The following TNR variants were observed in gnomAD, a reference collection of about 807,000 sequenced individuals.
TNR encodes tenascin R.
A neutral mutation model predicts 150.4 loss-of-function variants in TNR; 45 were observed. The ratio of observed to expected loss-of-function variants is 0.30; its 90% confidence interval spans 0.24 to 0.38. The LOEUF is 0.38. Ranked by LOEUF, TNR falls within the 10% of genes least tolerant of loss-of-function variation. The pLI, the probability that TNR is intolerant of heterozygous loss-of-function variation, is 1.00. For synonymous variants in TNR, 687 were observed against 678.4 expected (o/e 1.01, Z -0.20); for missense variants, 1,544 against 1,759.1 (o/e 0.88, Z 2.19).
chr1:175,360,446 G>T (rs907743512), intron 14 of TNR, among the ~76,000 whole-genome samples: 1 of 152,226 alleles, frequency 6.6e-6, no homozygotes, highest in African/African-American at 2.4e-5. Flanking sequence ...TAGAGGAAAA[G>T]ATTGTGCTTG....
At chr1:175,546,746 T>C (rs542034639) in intron 1 of TNR, among the ~76,000 whole-genome samples, 2 of 152,254 alleles carry the variant, frequency 1.3e-5, no homozygotes, top group East Asian at 3.9e-4. Flanking sequence ...TGGAGAGGAT[T>C]CCTCTGGCCT....
intron 1 of TNR, among the ~76,000 whole-genome samples, chr1:175,596,373 C>T (rs1663008431): frequency 6.6e-6 from 1 of 152,158 alleles, no homozygotes; most frequent in Non-Finnish European, 1.5e-5. Context: ...GGTGACCATG[C>T]TCAGCTGTCA....
At chr1:175,697,802 C>T (rs1666576641) in intron 1 of TNR, among the ~76,000 whole-genome samples, 1 of 152,200 alleles carries the variant, frequency 6.6e-6, no homozygotes, top group Non-Finnish European at 1.5e-5. Flanking sequence ...ACATGTCAGG[C>T]CTCATGCAAG....
intron 2 of TNR, among the ~76,000 whole-genome samples, chr1:175,443,472 C>A (rs554107972): frequency 5.3e-5 from 8 of 152,278 alleles, no homozygotes; most frequent in African/African-American, 1.7e-4. Flanking sequence ...CAATGCTTAG[C>A]AAGTGTTTAC....
At chr1:175,379,397 G>A (rs1652562412) in intron 9 of TNR, among the ~76,000 whole-genome samples, 155 bp downstream of exon 9, 1 of 152,194 alleles carries the variant, frequency 6.6e-6, no homozygotes, top group South Asian at 2.1e-4. Context: ...GGTGATGGCA[G>A]TACAATGGAT....
At chr1:175,440,939 A>G (rs1222081500) in intron 2 of TNR, among the ~76,000 whole-genome samples, 1 of 152,212 alleles carries the variant, frequency 6.6e-6, no homozygotes, top group Non-Finnish European at 1.5e-5. Context: ...GGTTTTAGAT[A>G]AAAGCCTAGC....
chr1:175,524,181 C>T (rs1027331881), intron 2 of TNR, among the ~76,000 whole-genome samples: 3 of 152,110 alleles, frequency 2.0e-5, no homozygotes, highest in African/African-American at 7.2e-5. Flanking sequence ...GCATGCCTTG[C>T]CTTCCTTGTA....
In TNR at chr1:175,504,386, A is replaced by AAGCAGAGGAGGCAGGTAGC. The variant is rs1658865736; in HGVS notation, c.-64+23864_-64+23882dup. On this transcript the variant is annotated intron_variant, in intron 2 of 22. Transcript: ENST00000367674. ...AAGAGGTTGGATAACTGCTCCACCC[A>AAGCAGAGGAGGCAGGTAGC]AGCAGAGGAGGCAGGTAGCAGTGAA... Among the ~76,000 whole-genome samples, 3 of 152,194 alleles carry AAGCAGAGGAGGCAGGTAGC rather than the reference A, an allele frequency of 2.0e-5. 1 individual carries two copies. The South Asian group carries it at 6.2e-4, about 32-fold the overall frequency.
chr1:175,675,630 T>A (rs1665838832), intron 1 of TNR, among the ~76,000 whole-genome samples: 1 of 152,186 alleles, frequency 6.6e-6, no homozygotes, highest in African/African-American at 2.4e-5. Flanking sequence ...TATCTGCACA[T>A]CCTTCATAGG....
At chr1:175,552,462 C>T (rs1660983086) in intron 1 of TNR, among the ~76,000 whole-genome samples, 2 of 152,146 alleles carry the variant, frequency 1.3e-5, no homozygotes, top group South Asian at 2.1e-4. Flanking sequence ...TATGTTATCT[C>T]GTTTGATCTT....
chr1:175,522,382 A>G (rs1199550575), intron 2 of TNR, among the ~76,000 whole-genome samples: 1 of 152,170 alleles, frequency 6.6e-6, no homozygotes, highest in African/African-American at 2.4e-5. Context: ...GAATGACACA[A>G]TGGACTTTGG....
intron 2 of TNR, among the ~76,000 whole-genome samples, chr1:175,487,001 T>A (rs1045252863): frequency 6.6e-6 from 1 of 152,250 alleles, no homozygotes; most frequent in Non-Finnish European, 1.5e-5. Context: ...TTGTTTAAGT[T>A]CTTTGTAGAT....
chr1:175,709,686 C>T (rs961659187), intron 1 of TNR, among the ~76,000 whole-genome samples: 6 of 152,180 alleles, frequency 3.9e-5, no homozygotes, highest in Non-Finnish European at 7.3e-5. Context: ...TCCTAGACAT[C>T]GTGTTGTGGT....
At chr1:175,558,905 A>G (rs1159913401) in intron 1 of TNR, among the ~76,000 whole-genome samples, 1 of 152,184 alleles carries the variant, frequency 6.6e-6, no homozygotes, top group African/African-American at 2.4e-5. Flanking sequence ...CCAAGAGCGA[A>G]TCCTAGTGCA....
intron 1 of TNR, among the ~76,000 whole-genome samples, chr1:175,587,911 G>C (rs1372801141): frequency 6.6e-6 from 1 of 152,170 alleles, no homozygotes; most frequent in African/African-American, 2.4e-5. Context: ...AAACAGTGAG[G>C]GCCACTCACA....
chr1:175,583,830 A>G (rs1662462844), intron 1 of TNR, among the ~76,000 whole-genome samples: 1 of 152,230 alleles, frequency 6.6e-6, no homozygotes, highest in South Asian at 2.1e-4. Context: ...CAAAGATTAC[A>G]GAACTGATTG....
intron 1 of TNR, among the ~76,000 whole-genome samples, chr1:175,582,427 A>T (rs1490855426): frequency 6.6e-6 from 1 of 152,248 alleles, no homozygotes; most frequent in African/African-American, 2.4e-5. Flanking sequence ...GTTCCTAAGG[A>T]TGTAAAGACA....
At chr1:175,357,868 T>C (rs1268381077) in intron 15 of TNR, among the ~76,000 whole-genome samples, 1 of 152,212 alleles carries the variant, frequency 6.6e-6, no homozygotes, top group Non-Finnish European at 1.5e-5. Context: ...CTTATAGCCT[T>C]ATAGAGTGTG....
At chr1:175,446,083 G>A (rs1656034498) in intron 2 of TNR, among the ~76,000 whole-genome samples, 3 of 152,160 alleles carry the variant, frequency 2.0e-5, no homozygotes, top group Admixed American at 1.3e-4. Flanking sequence ...CTTATGGATG[G>A]ATTTGCCCCT....
Sources: gnomAD v4.1 joint callset for allele counts (sites outside exome capture counted in the v4.1 genomes callset) on GRCh38, gnomAD v4.1.1 for gene constraint, MANE v1.5 for transcripts, NCBI Gene and HGNC (gene_info 2026-07-23, HGNC 2026-07-21) for gene names.